The following CDK6 variants were observed in gnomAD, a reference collection of about 807,000 sequenced individuals.
CDK6 encodes the protein cyclin-dependent kinase 6.
A neutral mutation model predicts 37.1 loss-of-function variants in CDK6; 6 were observed. The observed-to-expected ratio is 0.16, with a 90% CI of 0.09 to 0.32. The LOEUF (loss-of-function observed/expected upper bound fraction) is 0.32, where lower values mean the gene tolerates loss of function less well. CDK6 is among the 10% of genes least tolerant of loss of function. The pLI is 1.00. For synonymous variants in CDK6, 160 were observed against 161.3 expected (o/e 0.99, Z 0.06); for missense variants, 224 against 418.9 (o/e 0.53, Z 4.06).
chr7:92,655,886 T>C (rs1796683973), intron 5 of CDK6, among the ~76,000 whole-genome samples: 1 of 152,256 alleles, frequency 6.6e-6, no homozygotes, highest in African/African-American at 2.4e-5. Context: ...CATTTGCACA[T>C]ACACACACGC....
intron 5 of CDK6, among the ~76,000 whole-genome samples, chr7:92,650,120 C>T (rs1275920873): frequency 1.3e-5 from 2 of 152,166 alleles, no homozygotes; most frequent in Non-Finnish European, 2.9e-5. Flanking sequence ...ACAAACAATA[C>T]ACCCACCCTC....
chr7:92,833,025 T>G lies in CDK6; in HGVS notation c.233+66A>C, dbSNP rs772146667. On this transcript the variant is annotated intron_variant, in intron 2 of 7. Coordinates refer to ENST00000424848, the MANE Select transcript of CDK6 (RefSeq NM_001145306.2). This position sits in a 1 kb window ranked among gnomAD's most constrained non-coding sequence, Gnocchi z 6.1. The stretch of plus-strand genomic sequence containing the variant: ...CCCCGCACCTTTCTGGGCCTGAGGA[T>G]TCCCGGCTCGGCCCTCCCCGCGCGC... 1 of 1,176,334 alleles carries G rather than the reference T, an allele frequency of 8.5e-7. No homozygotes were observed. Among genetic ancestry groups the G allele is most frequent in the Non-Finnish European group, 1.2e-6 (1 of 827,638 alleles). The allele number at this position is 1,176,334 out of a possible 1,614,324, so 72.9% of individuals were successfully genotyped here.
rs1368516053 is a variant in CDK6, at chr7:92,833,176, C to T, written c.148G>A (p.Gly50Ser). ...GTGGAGAGCGGCATGCCCTCCTCGC[C>T]GGTCTGCACCCGCACGCGCTTCAAC... is the stretch of plus-strand genomic sequence containing the variant. ...VALKRVRVQT[G>S]EEGMPLSTIR... Residue 50 changes from glycine to serine, a missense_variant, in exon 2 of 8, where the codon GGC becomes AGC. Transcript: ENST00000424848. This position sits in a 1 kb window ranked among gnomAD's most constrained non-coding sequence, Gnocchi z 6.1. 6.2e-7 allele frequency: 1 copy of T among 1,609,074 alleles called. No individual in the cohort carries two copies. The highest frequency in any genetic ancestry group is 8.5e-7 in the Non-Finnish European group (1 of 1,178,408).
At chr7:92,761,222 C>G (rs961768955) in intron 3 of CDK6, among the ~76,000 whole-genome samples, 3 of 152,050 alleles carry the variant, frequency 2.0e-5, no homozygotes, top group Non-Finnish European at 2.9e-5. Flanking sequence ...ACTTAGAAAA[C>G]TCTACTACCA....
intron 6 of CDK6, among the ~76,000 whole-genome samples, chr7:92,622,068 T>C (rs1207630707): frequency 6.6e-6 from 1 of 151,280 alleles, no homozygotes; most frequent in East Asian, 1.9e-4. Context: ...GGGATTCCTA[T>C]AAAATGTCAC....
chr7:92,796,785 T>A (rs78655468), intron 2 of CDK6, among the ~76,000 whole-genome samples: 4 of 152,182 alleles, frequency 2.6e-5, no homozygotes, highest in African/African-American at 4.8e-5. Context: ...AACTTTTTTT[T>A]AAATACCACT....
chr7:92,638,172 T>C (rs1359368081), intron 5 of CDK6, among the ~76,000 whole-genome samples: 1 of 152,224 alleles, frequency 6.6e-6, no homozygotes, highest in African/African-American at 2.4e-5. Context: ...AATTTATAAA[T>C]TTTCCAAAAG....
intron 5 of CDK6, among the ~76,000 whole-genome samples, chr7:92,640,037 T>C (rs1796265567): frequency 6.6e-6 from 1 of 152,218 alleles, no homozygotes; most frequent in Non-Finnish European, 1.5e-5. Flanking sequence ...ATGTTTAATG[T>C]ATATATAGAT....
intron 4 of CDK6, among the ~76,000 whole-genome samples, chr7:92,699,717 T>C (rs1055792309): frequency 6.6e-6 from 1 of 152,232 alleles, no homozygotes; most frequent in African/African-American, 2.4e-5. Context: ...GACACACAGA[T>C]GATGAAGTCA....
At chr7:92,779,577 A>T (rs917285144) in intron 2 of CDK6, among the ~76,000 whole-genome samples, 11 of 152,214 alleles carry the variant, frequency 7.2e-5, no homozygotes, top group African/African-American at 2.4e-4. Flanking sequence ...CTTCTCAGAC[A>T]TTCACAAAGG....
chr7:92,622,979 T>C (rs757099616), intron 6 of CDK6, 57 bp downstream of exon 6: 84 of 1,053,614 alleles, frequency 8.0e-5, no homozygotes, highest in Non-Finnish European at 1.1e-4. Flanking sequence ...CAGAGGAAAG[T>C]CACTGTAAAT....
chr7:92,619,339 T>C (rs990952411), intron 6 of CDK6, among the ~76,000 whole-genome samples: 3 of 152,152 alleles, frequency 2.0e-5, no homozygotes, highest in African/African-American at 7.2e-5. Flanking sequence ...AGTTTACATA[T>C]AGGTCGTAAG....
chr7:92,808,918 G>A (rs1800796308), intron 2 of CDK6, among the ~76,000 whole-genome samples: 1 of 152,128 alleles, frequency 6.6e-6, no homozygotes, highest in Non-Finnish European at 1.5e-5. Flanking sequence ...TATGTTTTCT[G>A]TAGGAATTTT....
chr7:92,662,294 AT>A (rs1287159560), intron 5 of CDK6, among the ~76,000 whole-genome samples: 4 of 152,008 alleles, frequency 2.6e-5, no homozygotes, highest in African/African-American at 9.7e-5. Flanking sequence ...TTAACTGGAG[AT>A]GGGGCTGAAT....
At chr7:92,704,451 T>C (rs955276159) in intron 4 of CDK6, among the ~76,000 whole-genome samples, 8 of 152,226 alleles carry the variant, frequency 5.3e-5, no homozygotes, top group African/African-American at 1.7e-4. Flanking sequence ...CCCTTGCTTC[T>C]TTACTTCTCT....
chr7:92,785,435 T>C (rs1430252486), intron 2 of CDK6, among the ~76,000 whole-genome samples: 4 of 152,138 alleles, frequency 2.6e-5, no homozygotes, highest in Non-Finnish European at 5.9e-5. Flanking sequence ...GGGTTTCTTC[T>C]TGGAGTGATG....
intron 4 of CDK6, among the ~76,000 whole-genome samples, chr7:92,699,609 GA>G (rs1223826980): frequency 6.6e-6 from 1 of 152,048 alleles, no homozygotes; most frequent in Non-Finnish European, 1.5e-5. Flanking sequence ...TGAGATTTAT[GA>G]GACATTTACA....
intron 2 of CDK6, among the ~76,000 whole-genome samples, chr7:92,806,733 C>T (rs906464882): frequency 6.6e-6 from 1 of 152,152 alleles, no homozygotes; most frequent in Non-Finnish European, 1.5e-5. Context: ...CTCTTGTTAG[C>T]ATGCCAAGTA....
chr7:92,751,012 A>G (rs1173104926), intron 3 of CDK6, among the ~76,000 whole-genome samples: 1 of 152,234 alleles, frequency 6.6e-6, no homozygotes, highest in Admixed American at 6.5e-5. Flanking sequence ...AATTGATAAT[A>G]AAAGTTATGA....
Sources: allele counts gnomAD v4.1 joint callset (sites outside exome capture counted in the v4.1 genomes callset), GRCh38; gene constraint gnomAD v4.1.1; non-coding constraint Gnocchi (gnomAD v3.1); transcripts MANE v1.5; gene names NCBI Gene and HGNC (gene_info 2026-07-23, HGNC 2026-07-21).